The following BPTF variants were observed in gnomAD, a reference collection of about 807,000 sequenced individuals.
The protein encoded by BPTF is bromodomain PHD finger transcription factor, also known as nucleosome-remodeling factor subunit BPTF.
In BPTF, 18 loss-of-function variants were observed where a neutral mutation model predicts 292.5. The ratio of observed to expected loss-of-function variants is 0.06; its 90% CI spans 0.04 to 0.09. The LOEUF is 0.09. Ranked by LOEUF, BPTF falls within the 10% of genes least tolerant of loss-of-function variation. The pLI, the probability that BPTF is intolerant of heterozygous loss-of-function variation, is 1.00. For synonymous variants in BPTF, 1,225 were observed against 1,251.9 expected (o/e 0.98, Z 0.45); for missense variants, 2,726 against 3,498.7 (o/e 0.78, Z 5.57).
rs1248402237 is a variant in BPTF at position 67,944,305 on chromosome 17, T to C, written c.6633T>C (p.Phe2211=). 18 of 1,614,012 alleles carry C rather than the reference T, an allele frequency of 1.1e-5. No homozygotes were observed. Among genetic ancestry groups the C allele is most frequent in the Non-Finnish European group, 1.5e-5 (18 of 1,180,028 alleles). The change falls in exon 20 of 28, where the codon TTT becomes TTC. Residue 2211 remains phenylalanine (F), a synonymous_variant. Coordinates refer to ENST00000306378, the MANE Select transcript of BPTF (RefSeq NM_182641.4). The part of the protein sequence containing the change: ...MPNGTVQRFL[F]TPLATTATTA... Reference sequence around the variant, plus strand: ...ATGGTACTGTTCAGCGATTCCTCTTTACCCCATTGGCAACAACAGCCACCA... The same window carrying C: ...ATGGTACTGTTCAGCGATTCCTCTTCACCCCATTGGCAACAACAGCCACCA...
intron 21 of BPTF, among the ~76,000 whole-genome samples, chr17:67,947,049 C>T (rs573469945): frequency 1.6e-4 from 24 of 152,282 alleles, no homozygotes; most frequent in Non-Finnish European, 2.2e-4. Context: ...ATTCACAGTC[C>T]GTGAAACTCA....
intron 3 of BPTF, among the ~76,000 whole-genome samples, chr17:67,871,249 C>A (rs1414806452): frequency 6.6e-6 from 1 of 151,726 alleles, no homozygotes; most frequent in Non-Finnish European, 1.5e-5. Flanking sequence ...AGTTACCAGC[C>A]TGATCAACAT....
At chr17:67,944,780 G>A (rs2065668408) in intron 20 of BPTF, among the ~76,000 whole-genome samples, 8 of 152,140 alleles carry the variant, frequency 5.3e-5, no homozygotes, top group Admixed American at 5.2e-4. Flanking sequence ...GCAAGTCATT[G>A]TAACTAACTA....
intron 1 of BPTF, among the ~76,000 whole-genome samples, chr17:67,828,381 A>G (rs909691392): frequency 3.9e-5 from 6 of 152,208 alleles, no homozygotes; most frequent in Middle Eastern, 3.2e-3. Flanking sequence ...ACATTTTGGC[A>G]GGACAGTTCA....
intron 10 of BPTF, 30 bp from the exon 11 acceptor site, chr17:67,910,847 T>C (rs1568039731): frequency 2.1e-6 from 3 of 1,432,378 alleles, no homozygotes; most frequent in Non-Finnish European, 2.8e-6. Flanking sequence ...GAGTAAAAAT[T>C]ACATTTATAT....
intron 26 of BPTF, among the ~76,000 whole-genome samples, chr17:67,970,457 T>G (rs1201916440): frequency 6.6e-6 from 1 of 152,022 alleles, no homozygotes. Context: ...ATCTCCTATA[T>G]CTCCTAAGTA....
chr17:67,910,725 A>G (rs1020185813), intron 10 of BPTF, 152 bp from the exon 11 acceptor site: 13 of 409,290 alleles, frequency 3.2e-5, no homozygotes, highest in Admixed American at 2.8e-4. Context: ...GCTTGAACCC[A>G]GGAGGCGGAG....
intron 3 of BPTF, among the ~76,000 whole-genome samples, chr17:67,871,062 C>T (rs1426927447): frequency 2.0e-5 from 3 of 152,054 alleles, no homozygotes; most frequent in East Asian, 3.9e-4. Context: ...TGAGCCACCG[C>T]GCCCGGCCGA....
chr17:67,976,558 C>A (rs1555694001), intron 27 of BPTF, among the ~76,000 whole-genome samples: 6 of 151,790 alleles, frequency 4.0e-5, no homozygotes, highest in Non-Finnish European at 8.8e-5. Context: ...TAGTGGCATG[C>A]ACCTGTAGTC....
Position 67,946,113 on chromosome 17 carries a change from C to T in BPTF, c.7405C>T (p.Leu2469Phe), listed in dbSNP as rs2065795646. 6.2e-7 allele frequency: 1 copy of T among 1,614,152 alleles called. No homozygotes were observed. The change falls in exon 21 of 28, where the codon CTC (leucine) becomes TTC (phenylalanine). Residue 2469 changes from leucine (L) to phenylalanine (F), a missense_variant. By Grantham distance (22) the Leu-to-Phe change is conservative. This residue lies in a region of BPTF where 570 missense variants were observed against 633.5 expected (regional missense o/e 0.90). Coordinates refer to ENST00000306378, the MANE Select transcript of BPTF (RefSeq NM_182641.4). ...QQSGVPQQIK[L>F]QLPIQIQQSS... ...AAGTGGTGTGCCCCAGCAAATCAAA[C>T]TCCAGTTACCTATCCAAATTCAGCA...
intron 7 of BPTF, among the ~76,000 whole-genome samples, chr17:67,903,236 C>T (rs1034545956): frequency 1.3e-5 from 2 of 152,192 alleles, no homozygotes; most frequent in African/African-American, 4.8e-5. Context: ...ATCAGAAATA[C>T]TGGTTGATAA....
intron 4 of BPTF, among the ~76,000 whole-genome samples, chr17:67,880,122 T>C (rs1032641916): frequency 1.3e-5 from 2 of 152,200 alleles, no homozygotes; most frequent in African/African-American, 4.8e-5. Flanking sequence ...CTTTTTTATA[T>C]ATATAGGGTC....
chr17:67,939,496 A>T (rs2065190658), intron 18 of BPTF, among the ~76,000 whole-genome samples: 1 of 152,246 alleles, frequency 6.6e-6, no homozygotes, highest in South Asian at 2.1e-4. Context: ...TCAGCAAGTT[A>T]AACTAAAAAG....
chr17:67,979,226 A>G (rs1555695674), intron 27 of BPTF, among the ~76,000 whole-genome samples: 1 of 151,418 alleles, frequency 6.6e-6, no homozygotes, highest in East Asian at 1.9e-4. Context: ...CTACAGAGAA[A>G]AATATTTACA....
Position 67,948,312 on chromosome 17 carries a change from A to C in BPTF, c.7926+6A>C, listed in dbSNP as rs370079727. Reference sequence around the variant, plus strand: ...ATCTGCAAATTGAAGTGCAGGTAAGAGGGCACATCCTTTTCTTCTGTGTCC... The same window carrying C: ...ATCTGCAAATTGAAGTGCAGGTAAGCGGGCACATCCTTTTCTTCTGTGTCC... On this transcript the variant is annotated splice_donor_region_variant and intron_variant, in intron 23 of 27. Transcript: ENST00000306378. 6.2e-7 allele frequency: 1 copy of C among 1,607,084 alleles called. No homozygotes were observed. The highest frequency in any genetic ancestry group is 1.1e-5 in the South Asian group (1 of 90,470).
In BPTF at chr17:67,913,068, A is replaced by C; in HGVS notation, c.5184A>C (p.Leu1728Phe). 6.2e-7 allele frequency: 1 copy of C among 1,614,200 alleles called. No homozygotes were observed. Among genetic ancestry groups the C allele is most frequent in the Non-Finnish European group, 8.5e-7 (1 of 1,180,036 alleles). Residue 1728 changes from leucine (L) to phenylalanine (F), a missense_variant, in exon 11 of 28, where the codon TTA (leucine) becomes TTC (phenylalanine). Coordinates refer to ENST00000306378, the MANE Select transcript of BPTF (RefSeq NM_182641.4). ...KSIFVLPNDD[L>F]KKLARKGGIR... ...TTTTTGTTTTGCCTAATGATGACTT[A>C]AAAAAGTTGGCCCGAAAAGGAGGAA...
At chr17:67,952,042 G>C (rs1189775819) in intron 23 of BPTF, among the ~76,000 whole-genome samples, 1 of 107,964 alleles carries the variant, frequency 9.3e-6, no homozygotes, top group Non-Finnish European at 1.8e-5. Context: ...GCGACAGAGT[G>C]AGACTCTGTC....
In BPTF at chr17:67,913,176, C is replaced by T. The variant is rs2062757384; in HGVS notation, c.5292C>T (p.Gly1764=). 4 of 1,600,196 alleles carry T rather than the reference C, an allele frequency of 2.5e-6. No individual in the cohort carries two copies. Among genetic ancestry groups the T allele is most frequent in the Non-Finnish European group, 3.4e-6 (4 of 1,174,926 alleles). Residue 1764 remains glycine, a synonymous_variant, in exon 11 of 28, where the codon GGC becomes GGT. Transcript: ENST00000306378. ...ATCCTTCTCCTAGACCGACCTTTGGCATCACTTGGAGGTATGTACTTTAAA... is the reference window on the plus strand; with the variant it reads ...ATCCTTCTCCTAGACCGACCTTTGGTATCACTTGGAGGTATGTACTTTAAA... The part of the protein sequence containing the change: ...WPYPSPRPTF[G]ITWRYRLQTV...
intron 7 of BPTF, among the ~76,000 whole-genome samples, chr17:67,898,189 G>T (rs1294623229): frequency 6.6e-6 from 1 of 152,140 alleles, no homozygotes; most frequent in Non-Finnish European, 1.5e-5. Context: ...GGCCAATGTG[G>T]TGAAACCCCA....
Sources: gnomAD v4.1 joint callset for allele counts (sites outside exome capture counted in the v4.1 genomes callset) on GRCh38, gnomAD v4.1.1 for gene constraint, gnomAD v4.1.1 regional missense constraint, MANE v1.5 for transcripts, NCBI Gene and HGNC (gene_info 2026-07-23, HGNC 2026-07-21) for gene names.